Variants in GSG1L observed in about 807,000 individuals in gnomAD.
GSG1L encodes the protein GSG1 like, also known as germ cell-specific gene 1-like protein.
Under a neutral mutation model 42.1 loss-of-function variants are expected in GSG1L, and 24 were observed. The observed-to-expected ratio is 0.57, with a 90% confidence interval of 0.41 to 0.80. The LOEUF is 0.80. GSG1L is among the 30% of genes least tolerant of loss of function. The pLI is 0.00. For missense variants in GSG1L, 445 were observed against 472.2 expected, an observed-to-expected ratio of 0.94 and a Z score of 0.53; for synonymous variants, 215 against 203.5, an observed-to-expected ratio of 1.06 and a Z score of -0.48.
At chr16:28,022,275 G>A (rs1039987010) in intron 1 of GSG1L, among the ~76,000 whole-genome samples, 1 of 152,084 alleles carries the variant, frequency 6.6e-6, no homozygotes, top group Non-Finnish European at 1.5e-5. Context: ...TTCAATCAGG[G>A]ATAAATCATT....
chr16:27,836,560 G>C (rs2083323433), intron 4 of GSG1L, among the ~76,000 whole-genome samples: 2 of 151,754 alleles, frequency 1.3e-5, no homozygotes, highest in Non-Finnish European at 2.9e-5. Context: ...TTTTCTCTCT[G>C]TTGTTCAAAT....
chr16:27,885,718 A>G (rs1343551595), intron 2 of GSG1L, among the ~76,000 whole-genome samples: 2 of 152,242 alleles, frequency 1.3e-5, no homozygotes, highest in Non-Finnish European at 2.9e-5. Context: ...GAACCACTGA[A>G]GTAGACCAGG....
chr16:27,793,816 G>C (rs1022920796), intron 6 of GSG1L, among the ~76,000 whole-genome samples: 1 of 152,162 alleles, frequency 6.6e-6, no homozygotes, highest in African/African-American at 2.4e-5. Flanking sequence ...TGTATACAGA[G>C]GAGAACACTC....
intron 1 of GSG1L, among the ~76,000 whole-genome samples, chr16:28,016,442 C>T (rs764101080): frequency 3.9e-5 from 6 of 152,144 alleles, no homozygotes; most frequent in Non-Finnish European, 5.9e-5. Flanking sequence ...AGGATTTACC[C>T]GTGCTCAGAT....
chr16:27,870,073 CTCTT>C (rs1370945693), intron 3 of GSG1L, among the ~76,000 whole-genome samples: 1 of 149,246 alleles, frequency 6.7e-6, no homozygotes, highest in African/African-American at 2.5e-5. Context: ...CTCTCCATCT[CTCTT>C]TCCTTTTCTC....
intron 2 of GSG1L, among the ~76,000 whole-genome samples, chr16:27,945,947 C>T (rs2084855425): frequency 6.6e-6 from 1 of 152,246 alleles, no homozygotes; most frequent in South Asian, 2.1e-4. Context: ...GTCCCCTCAG[C>T]TGCTGCCTCC....
At chr16:27,867,857 G>C (rs903447616) in intron 3 of GSG1L, among the ~76,000 whole-genome samples, 11 of 152,110 alleles carry the variant, frequency 7.2e-5, no homozygotes, top group Admixed American at 1.3e-4. Context: ...TCAAAGTCCA[G>C]CTTTCCGGCT....
chr16:27,859,741 T>C (rs1398323442), intron 3 of GSG1L, among the ~76,000 whole-genome samples: 1 of 152,214 alleles, frequency 6.6e-6, no homozygotes, highest in African/African-American at 2.4e-5. Context: ...AGTGGCACGA[T>C]CATAGCTCAC....
rs2083996286 is a variant in GSG1L at position 27,884,043 on chromosome 16, C to T, written c.550+443G>A. On this transcript the variant is annotated intron_variant, in intron 3 of 6. Transcript: ENST00000447459. This position sits in a 1 kb window ranked among gnomAD's most constrained non-coding sequence, Gnocchi z 4.4. The stretch of plus-strand genomic sequence containing the variant: ...TGGAGTTCTCAAAGCCAGATGAGCT[C>T]AGGAAGAGGAGCGACGTGCCCTCCA... Among the ~76,000 whole-genome samples the T allele has an allele frequency of 1.3e-5, 2 of 152,180 alleles. No individual in the cohort carries two copies. Among genetic ancestry groups the T allele is most frequent in the South Asian group, 4.1e-4 (2 of 4,820 alleles).
chr16:27,924,151 T>C (rs2084563975), intron 2 of GSG1L, among the ~76,000 whole-genome samples: 2 of 151,618 alleles, frequency 1.3e-5, no homozygotes, highest in South Asian at 4.1e-4. Context: ...CTTATAAAAA[T>C]ATATAATATA....
At chr16:27,988,563 C>A (rs552906961) in intron 1 of GSG1L, among the ~76,000 whole-genome samples, 49 of 152,096 alleles carry the variant, frequency 3.2e-4, no homozygotes, top group African/African-American at 1.2e-3. Flanking sequence ...TTGTGGGAAT[C>A]TTATCTGTGT....
At position 28,031,103 on chromosome 16, in the gene GSG1L, G is replaced by A. The variant is rs145094089; in HGVS notation, c.349+31973C>T. On this transcript the variant is annotated intron_variant, in intron 1 of 6. Transcript: ENST00000447459. ...GGCTGAGTTGGGATGGGATGGGTTGGAATAAGATGAATTGAGATAGGTTGG... is the reference window on the plus strand; with the variant it reads ...GGCTGAGTTGGGATGGGATGGGTTGAAATAAGATGAATTGAGATAGGTTGG... Among the ~76,000 whole-genome samples the A allele has an allele frequency of 3.8e-4, 56 of 147,746 alleles. No homozygotes were observed. The East Asian group carries it at 5.6e-3, about 15-fold the overall frequency.
chr16:28,011,211 T>C (rs1215634703), intron 1 of GSG1L, among the ~76,000 whole-genome samples: 1 of 152,196 alleles, frequency 6.6e-6, no homozygotes, highest in African/African-American at 2.4e-5. Context: ...AAGGAAGGGA[T>C]GTTCTCAGCA....
At chr16:27,983,498 A>G (rs1567544501) in intron 1 of GSG1L, among the ~76,000 whole-genome samples, 1 of 152,250 alleles carries the variant, frequency 6.6e-6, no homozygotes, top group Non-Finnish European at 1.5e-5. Context: ...GTGCAGGACA[A>G]GGACTCAGTT....
At chr16:27,854,523 G>T (rs2083551805) in intron 3 of GSG1L, among the ~76,000 whole-genome samples, 1 of 152,160 alleles carries the variant, frequency 6.6e-6, no homozygotes, top group African/African-American at 2.4e-5. Context: ...ACTCACAAAT[G>T]GTCCTTTCCC....
intron 2 of GSG1L, among the ~76,000 whole-genome samples, chr16:27,905,319 C>T (rs1476888820): frequency 7.5e-6 from 1 of 132,598 alleles, no homozygotes; most frequent in African/African-American, 2.8e-5. Context: ...ATGCCAGAAT[C>T]TTTTTTTTTT....
intron 2 of GSG1L, among the ~76,000 whole-genome samples, chr16:27,957,837 GC>G (rs1017866499): frequency 3.0e-4 from 45 of 152,292 alleles, no homozygotes; most frequent in African/African-American, 1.0e-3. Flanking sequence ...GCTTCAGGAA[GC>G]TTTTACTCAT....
At chr16:27,913,260 AT>A (rs2084412724) in intron 2 of GSG1L, among the ~76,000 whole-genome samples, 1 of 152,242 alleles carries the variant, frequency 6.6e-6, no homozygotes, top group Non-Finnish European at 1.5e-5. Context: ...AGTGTATTTA[AT>A]GATACTAACT....
At chr16:27,856,662 T>C (rs949539706) in intron 3 of GSG1L, among the ~76,000 whole-genome samples, 1 of 152,278 alleles carries the variant, frequency 6.6e-6, no homozygotes, top group Non-Finnish European at 1.5e-5. Flanking sequence ...TTCTTTTGTA[T>C]TTATTGCAAG....
Sources: allele counts gnomAD v4.1 joint callset (sites outside exome capture counted in the v4.1 genomes callset), GRCh38; gene constraint gnomAD v4.1.1; non-coding constraint Gnocchi (gnomAD v3.1); transcripts MANE v1.5; gene names NCBI Gene and HGNC (gene_info 2026-07-23, HGNC 2026-07-21).